Variants in LRBA observed in about 807,000 individuals in gnomAD.
The protein encoded by LRBA is LPS responsive beige-like anchor protein.
LRBA carries 176 observed loss-of-function variants against 330.0 expected under a neutral mutation model. The observed-to-expected ratio is 0.53, with a 90% CI of 0.47 to 0.60. LRBA has a LOEUF of 0.60. LRBA is among the 20% of genes least tolerant of loss of function. The pLI, the probability that LRBA is intolerant of heterozygous loss-of-function variation, is 0.00. For missense variants in LRBA, 3,259 were observed against 3,444.8 expected, an observed-to-expected ratio of 0.95 and a Z score of 1.35; for synonymous variants, 1,230 against 1,193.0, an observed-to-expected ratio of 1.03 and a Z score of -0.64.
chr4:150,617,236 C>T (rs924265326), intron 37 of LRBA, among the ~76,000 whole-genome samples: 69 of 152,170 alleles, frequency 4.5e-4, no homozygotes, highest in African/African-American at 1.6e-3. Context: ...TCTCAAAAAA[C>T]CTCATAAAGA....
At chr4:150,610,882 A>C (rs1006207315) in intron 37 of LRBA, among the ~76,000 whole-genome samples, 6 of 152,200 alleles carry the variant, frequency 3.9e-5, no homozygotes, top group African/African-American at 1.4e-4. Flanking sequence ...CTTATGATGC[A>C]GTATAAATTT....
At chr4:150,624,260 T>G (rs1776605605) in intron 37 of LRBA, among the ~76,000 whole-genome samples, 1 of 150,898 alleles carries the variant, frequency 6.6e-6, no homozygotes, top group African/African-American at 2.4e-5. Flanking sequence ...GAAAATGCAG[T>G]CATTCACTGC....
intron 2 of LRBA, among the ~76,000 whole-genome samples, chr4:150,993,384 T>C (rs1677612531): frequency 6.6e-6 from 1 of 152,096 alleles, no homozygotes; most frequent in Non-Finnish European, 1.5e-5. Context: ...ACTTATGTAA[T>C]AGGTTCCAAA....
chr4:150,423,400 CTT>C, intron 46 of LRBA: 1 of 637,266 alleles, frequency 1.6e-6, no homozygotes, highest in Non-Finnish European at 2.8e-6. Context: ...TCCACAGTCC[CTT>C]CCTTCTGCGC....
chr4:150,832,942 G>GTT (rs1334542526), intron 28 of LRBA, among the ~76,000 whole-genome samples: 3 of 151,862 alleles, frequency 2.0e-5, no homozygotes, highest in African/African-American at 7.3e-5. Flanking sequence ...GCTAATTTTT[G>GTT]TTTTTTAATT....
intron 31 of LRBA, among the ~76,000 whole-genome samples, chr4:150,812,969 G>A (rs940741771): frequency 7.9e-5 from 12 of 151,936 alleles, no homozygotes; most frequent in Non-Finnish European, 5.9e-5. Flanking sequence ...GCTTGTCTGG[G>A]CAATAGAACA....
chr4:150,893,265 A>T, intron 16 of LRBA, 116 bp from the exon 17 acceptor site: 1 of 587,052 alleles, frequency 1.7e-6, no homozygotes, highest in Non-Finnish European at 3.1e-6. Context: ...CATATGTGTG[A>T]TATATACTTA....
chr4:150,317,580 C>A (rs1311942739), intron 50 of LRBA, among the ~76,000 whole-genome samples: 1 of 152,126 alleles, frequency 6.6e-6, no homozygotes, highest in Non-Finnish European at 1.5e-5. Context: ...AAGGGAGGAC[C>A]AGGAAAAATG....
chr4:150,864,610 C>T (rs111308884), intron 22 of LRBA, among the ~76,000 whole-genome samples: 1 of 149,408 alleles, frequency 6.7e-6, no homozygotes, highest in Non-Finnish European at 1.5e-5. Flanking sequence ...GAGGACTGCA[C>T]AGACCCCATG....
intron 47 of LRBA, among the ~76,000 whole-genome samples, chr4:150,390,221 T>C (rs1743726858): frequency 6.6e-6 from 1 of 152,176 alleles, no homozygotes; most frequent in Non-Finnish European, 1.5e-5. Flanking sequence ...GCCTAAGCTG[T>C]CTATCTTCTT....
intron 2 of LRBA, among the ~76,000 whole-genome samples, chr4:150,980,970 G>T (rs1740765467): frequency 6.6e-6 from 1 of 152,050 alleles, no homozygotes; most frequent in Non-Finnish European, 1.5e-5. Context: ...GAAAAAAAGT[G>T]AAGAGGACAC....
chr4:150,677,815 AG>A (rs1254115456), intron 37 of LRBA, among the ~76,000 whole-genome samples: 12 of 72,152 alleles, frequency 1.7e-4, no homozygotes, highest in Middle Eastern at 6.3e-3. Flanking sequence ...AAAAAAAAAA[AG>A]AAAAAGAAAA....
At chr4:150,927,053 G>C (rs868171588) in intron 4 of LRBA, among the ~76,000 whole-genome samples, 1 of 148,964 alleles carries the variant, frequency 6.7e-6, no homozygotes, top group African/African-American at 2.5e-5. Context: ...CCTGGCGACA[G>C]AGCAAGACTC....
intron 43 of LRBA, among the ~76,000 whole-genome samples, chr4:150,470,180 T>C (rs1165513994): frequency 6.6e-6 from 1 of 151,998 alleles, no homozygotes; most frequent in Admixed American, 6.6e-5. Flanking sequence ...AGCAACTCCG[T>C]CTCAAAAAAA....
rs563878273 is a variant in LRBA, at chr4:150,829,674, G to A, written c.4730-1053C>T. On this transcript the variant is annotated intron_variant, in intron 29 of 56. Coordinates refer to ENST00000651943, the MANE Select transcript of LRBA (RefSeq NM_001364905.1). ...ATTTCTTAAGTTGGAGGGACACAAG[G>A]TTCAGTCCTTGTTCCTCTTATGTTC... 4.5e-4 allele frequency among the ~76,000 whole-genome samples: 69 copies of A among 152,192 alleles called. No individual in the cohort carries two copies. The Middle Eastern group carries it at 0.017, about 38-fold the overall frequency.
Position 150,496,931 on chromosome 4 carries a change from G to C in LRBA, c.6331-5896C>G, listed in dbSNP as rs964319319. Among the ~76,000 whole-genome samples, 45 of 151,928 alleles carry C rather than the reference G, an allele frequency of 3.0e-4. 1 individual carries two copies. Among genetic ancestry groups the C allele is most frequent in the Non-Finnish European group, 2.9e-5 (2 of 67,902 alleles). ...ATAACACAATGGCTAAGAAAGTCTAGAAAATATTCACTATATCCCATTTTA... is the reference window on the plus strand; with the variant it reads ...ATAACACAATGGCTAAGAAAGTCTACAAAATATTCACTATATCCCATTTTA... On this transcript the variant is annotated intron_variant, in intron 40 of 56. Coordinates refer to ENST00000651943, the MANE Select transcript of LRBA (RefSeq NM_001364905.1).
intron 5 of LRBA, 119 bp downstream of exon 5, chr4:150,921,079 T>A: frequency 1.6e-6 from 1 of 623,716 alleles, no homozygotes; most frequent in Non-Finnish European, 2.9e-6. Context: ...AGGATTAAAG[T>A]ATGTTGAGCA....
chr4:150,608,873 T>G (rs1774939202), intron 37 of LRBA, among the ~76,000 whole-genome samples: 1 of 152,380 alleles, frequency 6.6e-6, no homozygotes, highest in African/African-American at 2.4e-5. Flanking sequence ...ATTGTGTGAC[T>G]GGCTTCTTTC....
intron 35 of LRBA, among the ~76,000 whole-genome samples, chr4:150,755,024 C>CA (rs1371864370): frequency 6.6e-6 from 1 of 152,104 alleles, no homozygotes; most frequent in African/African-American, 2.4e-5. Flanking sequence ...TGCTAATGGC[C>CA]AACAGGGTCC....
Sources: gnomAD v4.1 joint callset for allele counts (sites outside exome capture counted in the v4.1 genomes callset) on GRCh38, gnomAD v4.1.1 for gene constraint, MANE v1.5 for transcripts, NCBI Gene and HGNC (gene_info 2026-07-23, HGNC 2026-07-21) for gene names.